The following CAMTA1 variants were observed in gnomAD, a reference collection of about 807,000 sequenced individuals.
The protein encoded by CAMTA1 is calmodulin-binding transcription activator 1.
Under a neutral mutation model 170.9 loss-of-function variants are expected in CAMTA1, and 27 were observed. That is an observed-to-expected ratio of 0.16 (90% CI 0.12 to 0.22). CAMTA1 has a LOEUF of 0.22. Ranked by LOEUF, CAMTA1 falls within the 10% of genes least tolerant of loss-of-function variation. The pLI is 1.00. For synonymous variants in CAMTA1, 833 were observed against 891.5 expected (o/e 0.93, Z 1.17); for missense variants, 1,619 against 2,217.2 (o/e 0.73, Z 5.42).
At chr1:6,799,419 A>G (rs1192082458) in intron 1 of CAMTA1, among the ~76,000 whole-genome samples, 1 of 152,230 alleles carries the variant, frequency 6.6e-6, no homozygotes, top group Non-Finnish European at 1.5e-5. Flanking sequence ...CAAGGATCCC[A>G]GCAGAGCTGC....
At chr1:6,863,951 A>G (rs1665693677) in intron 3 of CAMTA1, among the ~76,000 whole-genome samples, 2 of 152,204 alleles carry the variant, frequency 1.3e-5, no homozygotes, top group African/African-American at 4.8e-5. Flanking sequence ...ACCTTGACAG[A>G]CTAAGTATTT....
In CAMTA1 at chr1:7,585,087, C is replaced by A. The variant is rs1244269546; in HGVS notation, c.511-55313C>A. Among the ~76,000 whole-genome samples the A allele has an allele frequency of 2.0e-5, 3 of 152,108 alleles. No individual in the cohort carries two copies. Among genetic ancestry groups the A allele is most frequent in the African/African-American group, 7.2e-5 (3 of 41,394 alleles). On this transcript the variant is annotated intron_variant, in intron 6 of 22. Transcript: ENST00000303635. This position sits in a 1 kb window ranked among gnomAD's most constrained non-coding sequence, Gnocchi z 4.8. ...GCAGCAAAATTTATGAATATTCACA[C>A]AAAGAGGGATGAACTGAGACTATAA...
At chr1:6,986,924 CT>C (rs1258652966) in intron 3 of CAMTA1, among the ~76,000 whole-genome samples, 4 of 152,104 alleles carry the variant, frequency 2.6e-5, no homozygotes, top group Admixed American at 6.5e-5. Context: ...CAAGTTTGCT[CT>C]TGGGCATATC....
At chr1:6,843,783 A>C (rs990622566) in intron 3 of CAMTA1, among the ~76,000 whole-genome samples, 1 of 152,134 alleles carries the variant, frequency 6.6e-6, no homozygotes, top group Non-Finnish European at 1.5e-5. Context: ...CCCGGCCCCA[A>C]ACTTTTTTAT....
chr1:7,343,591 G>C (rs1224932006), intron 5 of CAMTA1, among the ~76,000 whole-genome samples: 2 of 152,134 alleles, frequency 1.3e-5, no homozygotes, highest in Non-Finnish European at 2.9e-5. Context: ...CCAAGAACTA[G>C]GACATTACCA....
Position 7,549,527 on chromosome 1 carries a change from G to A in CAMTA1, c.510+81626G>A, listed in dbSNP as rs190550899. On this transcript the variant is annotated intron_variant, in intron 6 of 22. Coordinates refer to ENST00000303635, the MANE Select transcript of CAMTA1 (RefSeq NM_015215.4). ...ACTCATTTCCTCTCCAATGCCCTGG[G>A]GCATTCAGAAAGTCTACTTGTGGAA... Among the ~76,000 whole-genome samples, 43 of 152,200 alleles carry A rather than the reference G, an allele frequency of 2.8e-4. 1 individual carries two copies. Among genetic ancestry groups the A allele is most frequent in the East Asian group, 2.3e-3 (12 of 5,166 alleles).
At chr1:7,757,236 C>G (rs1483459922) in intron 22 of CAMTA1, among the ~76,000 whole-genome samples, 6 of 152,112 alleles carry the variant, frequency 3.9e-5, no homozygotes, top group Non-Finnish European at 8.8e-5. Context: ...TAGTAAATAC[C>G]TTAAGCTTTG....
At chr1:7,490,316 C>T (rs1008728774) in intron 6 of CAMTA1, among the ~76,000 whole-genome samples, 1 of 152,186 alleles carries the variant, frequency 6.6e-6, no homozygotes, top group African/African-American at 2.4e-5. Flanking sequence ...TTGCCCAGAA[C>T]ACAACAGTGA....
chr1:6,990,779 C>T (rs1696224792), intron 3 of CAMTA1, among the ~76,000 whole-genome samples: 1 of 122,622 alleles, frequency 8.2e-6, no homozygotes, highest in Admixed American at 8.3e-5. Context: ...TACTTTCTCT[C>T]TCTCTGTCTC....
intron 6 of CAMTA1, among the ~76,000 whole-genome samples, chr1:7,493,190 C>T (rs1204884446): frequency 2.7e-5 from 4 of 149,438 alleles, no homozygotes; most frequent in Non-Finnish European, 5.9e-5. Flanking sequence ...TACAAACACG[C>T]ACACACACAA....
intron 11 of CAMTA1, among the ~76,000 whole-genome samples, chr1:7,711,780 G>A (rs529280656): frequency 3.3e-5 from 5 of 152,282 alleles, no homozygotes; most frequent in East Asian, 1.9e-4. Flanking sequence ...CCTGGCGCGC[G>A]TGTGTAAGAT....
chr1:6,975,252 C>T (rs1005872559), intron 3 of CAMTA1, among the ~76,000 whole-genome samples: 7 of 152,120 alleles, frequency 4.6e-5, no homozygotes, highest in South Asian at 2.1e-4. Context: ...CCTGCTCTTG[C>T]GGGGCTCAGG....
chr1:6,838,430 C>T (rs1180746848), intron 3 of CAMTA1, among the ~76,000 whole-genome samples: 8 of 152,192 alleles, frequency 5.3e-5, no homozygotes, highest in African/African-American at 1.9e-4. Flanking sequence ...CAGCATGTCC[C>T]CTGTGAAGGA....
rs371588178 is a variant in CAMTA1, at chr1:7,272,692, C to CAAAAAAAAAAAAAAAA, written c.438+23075_438+23090dup. Among the ~76,000 whole-genome samples, 182 of 38,802 alleles carry CAAAAAAAAAAAAAAAA rather than the reference C, an allele frequency of 4.7e-3. 8 individuals carry two copies. The highest frequency in any genetic ancestry group is 7.3e-3 in the South Asian group (4 of 546). The allele number at this position is 38,802 out of a possible 152,430, so 25.5% of individuals were successfully genotyped here. ...TCTGGGGCAACTGGATAAACACATGCAAAAAAAAAAAAAAAAAAAAAAAAG... is the reference window on the plus strand; with the variant it reads ...TCTGGGGCAACTGGATAAACACATGCAAAAAAAAAAAAAAAAAAAAAAAAAAAAAAAAAAAAAAAAG... On this transcript the variant is annotated intron_variant, in intron 5 of 22. Coordinates refer to ENST00000303635, the MANE Select transcript of CAMTA1 (RefSeq NM_015215.4).
intron 1 of CAMTA1, among the ~76,000 whole-genome samples, chr1:6,819,605 A>G (rs1646257571): frequency 6.6e-6 from 1 of 152,246 alleles, no homozygotes; most frequent in Non-Finnish European, 1.5e-5. Context: ...TCCCATTTAA[A>G]CAAATTACAC....
At chr1:7,229,945 G>T (rs968239032) in intron 4 of CAMTA1, among the ~76,000 whole-genome samples, 1 of 152,140 alleles carries the variant, frequency 6.6e-6, no homozygotes, top group African/African-American at 2.4e-5. Context: ...TCTTCTTGGG[G>T]TTTTGAGAGG....
chr1:7,691,350 G>GT (rs2096309367), intron 11 of CAMTA1, among the ~76,000 whole-genome samples: 1 of 152,194 alleles, frequency 6.6e-6, no homozygotes. Flanking sequence ...CCAGGGCTGT[G>GT]TGTGCCAGGC....
intron 5 of CAMTA1, among the ~76,000 whole-genome samples, chr1:7,444,583 C>T (rs941018): frequency 0.039 from 5,947 of 152,280 alleles, 392 homozygotes; most frequent in African/African-American, 0.14. Flanking sequence ...AAGTGAAGCC[C>T]TGAGCCACGG....
At chr1:7,702,819 C>G (rs1183361399) in intron 11 of CAMTA1, among the ~76,000 whole-genome samples, 1 of 152,152 alleles carries the variant, frequency 6.6e-6, no homozygotes, top group Non-Finnish European at 1.5e-5. Flanking sequence ...CAGAAGCCAC[C>G]CCAACCCCAG....
Sources: gnomAD v4.1 joint callset for allele counts (sites outside exome capture counted in the v4.1 genomes callset) on GRCh38, gnomAD v4.1.1 for gene constraint, Gnocchi (gnomAD v3.1) non-coding constraint, MANE v1.5 for transcripts, NCBI Gene and HGNC (gene_info 2026-07-23, HGNC 2026-07-21) for gene names.